DNM3: variants seen among roughly 807,000 people sequenced by gnomAD.
DNM3 encodes dynamin 3, also known as dynamin-3.
Under a neutral mutation model 101.6 loss-of-function variants are expected in DNM3, and 47 were observed. That is an observed-to-expected ratio of 0.46 (90% CI 0.37 to 0.59). The LOEUF (loss-of-function observed/expected upper bound fraction) is 0.59. Ranked by LOEUF, DNM3 falls within the 20% of genes least tolerant of loss-of-function variation. The pLI is 0.00. For missense variants in DNM3, 849 were observed against 1,085.7 expected, an observed-to-expected ratio of 0.78 and a Z score of 3.06; for synonymous variants, 385 against 387.9, an observed-to-expected ratio of 0.99 and a Z score of 0.09.
rs570694834 is a variant in DNM3 at position 171,945,030 on chromosome 1, AT to A, written c.235+23218del. The stretch of plus-strand genomic sequence containing the variant: ...GGGAACACATCACCATGCCTGACTG[AT>A]TTTTTTTTAAAAATTATTATTTGTG... On this transcript the variant is annotated intron_variant, in intron 2 of 20. Coordinates refer to ENST00000627582, the MANE Select transcript of DNM3 (RefSeq NM_015569.5). 1.2e-3 allele frequency among the ~76,000 whole-genome samples: 173 copies of A among 149,892 alleles called. 1 individual carries two copies. The highest frequency in any genetic ancestry group is 3.7e-3 in the African/African-American group (153 of 40,872).
rs1421943705 is a variant in DNM3, at chr1:172,354,886, C to A, written c.1894-24132C>A. On this transcript the variant is annotated intron_variant, in intron 17 of 20. Transcript: ENST00000627582. ...TTGGAACCAAGACCCCTACAGTAAG[C>A]CAGGACACTTAAAAAGCTACACCTT... 2.6e-5 allele frequency among the ~76,000 whole-genome samples: 4 copies of A among 152,144 alleles called. No homozygotes were observed. The South Asian group carries it at 6.2e-4, about 24-fold the overall frequency.
chr1:171,931,721 C>T (rs1404872911), intron 2 of DNM3, among the ~76,000 whole-genome samples: 1 of 152,054 alleles, frequency 6.6e-6, no homozygotes, highest in Admixed American at 6.5e-5. Context: ...TTTTATTGTA[C>T]CAATTCCACA....
In DNM3 at chr1:172,241,926, A is replaced by G. The variant is rs533951078; in HGVS notation, c.1660-11647A>G. Reference sequence around the variant, plus strand: ...AGAGGATTTTGAATTGCACTCAAACATTACAGGGCATTGGAAGAAGTGTTG... The same window carrying G: ...AGAGGATTTTGAATTGCACTCAAACGTTACAGGGCATTGGAAGAAGTGTTG... On this transcript the variant is annotated intron_variant, in intron 14 of 20. Coordinates refer to ENST00000627582, the MANE Select transcript of DNM3 (RefSeq NM_015569.5). Among the ~76,000 whole-genome samples the G allele has an allele frequency of 2.6e-5, 4 of 152,318 alleles. No individual in the cohort carries two copies. The South Asian group carries it at 6.2e-4, about 24-fold the overall frequency.
intron 14 of DNM3, among the ~76,000 whole-genome samples, chr1:172,221,688 C>T (rs1438849507): frequency 6.6e-6 from 1 of 152,040 alleles, no homozygotes; most frequent in African/African-American, 2.4e-5. Context: ...GTGGTCATCT[C>T]GTGAGGACTT....
chr1:172,200,827 G>A (rs976301445), intron 14 of DNM3, among the ~76,000 whole-genome samples: 1 of 151,932 alleles, frequency 6.6e-6, no homozygotes, highest in African/African-American at 2.4e-5. Context: ...TTCTTGGATC[G>A]GGTTTTGTCA....
intron 10 of DNM3, among the ~76,000 whole-genome samples, chr1:172,049,901 AT>A (rs2050087435): frequency 6.6e-6 from 1 of 152,172 alleles, no homozygotes; most frequent in Non-Finnish European, 1.5e-5. Flanking sequence ...AATGGGCTGA[AT>A]TCCTAGATGT....
At chr1:172,008,939 A>T (rs1268464226) in intron 4 of DNM3, among the ~76,000 whole-genome samples, 5 of 138,416 alleles carry the variant, frequency 3.6e-5, no homozygotes, top group Admixed American at 7.7e-5. Context: ...TTAAATATTA[A>T]TAAATATATT....
intron 10 of DNM3, among the ~76,000 whole-genome samples, chr1:172,061,573 T>G (rs2051210663): frequency 6.6e-6 from 1 of 151,608 alleles, no homozygotes; most frequent in African/African-American, 2.4e-5. Flanking sequence ...TTGGAAATCA[T>G]CATTCTCAGT....
intron 2 of DNM3, among the ~76,000 whole-genome samples, chr1:171,938,375 G>A (rs974642774): frequency 1.3e-5 from 2 of 152,000 alleles, no homozygotes; most frequent in East Asian, 3.8e-4. Flanking sequence ...CTTGTCCCTC[G>A]GAGCTTGGCA....
At position 171,853,419 on chromosome 1, in the gene DNM3, G is replaced by T. The variant is rs149413878; in HGVS notation, c.161+11602G>T. The stretch of plus-strand genomic sequence containing the variant: ...TGGGCTCAAGTATTTCTCCTGCCTT[G>T]GCCTCCCAAAGTGGTGGCATTACAG... On this transcript the variant is annotated intron_variant, in intron 1 of 20. Coordinates refer to ENST00000627582, the MANE Select transcript of DNM3 (RefSeq NM_015569.5). 1.1e-3 allele frequency among the ~76,000 whole-genome samples: 166 copies of T among 152,120 alleles called. 1 individual carries two copies. In the East Asian group the frequency reaches 0.031, roughly 28 times the overall value.
intron 9 of DNM3, among the ~76,000 whole-genome samples, chr1:172,048,052 A>G (rs1275477621): frequency 6.6e-6 from 1 of 152,168 alleles, no homozygotes. Flanking sequence ...TTATTATAAC[A>G]CCAGTTTGAA....
intron 2 of DNM3, among the ~76,000 whole-genome samples, chr1:171,981,747 A>G (rs1295793687): frequency 6.6e-6 from 1 of 152,236 alleles, no homozygotes; most frequent in Non-Finnish European, 1.5e-5. Flanking sequence ...TATTTTTAAC[A>G]TTGTAAAAAC....
At chr1:172,196,587 A>G (rs547045514) in intron 14 of DNM3, among the ~76,000 whole-genome samples, 6 of 152,058 alleles carry the variant, frequency 3.9e-5, no homozygotes, top group South Asian at 2.1e-4. Context: ...TGACTTTTTA[A>G]TAATAGCCAT....
intron 1 of DNM3, among the ~76,000 whole-genome samples, chr1:171,887,092 C>A (rs955098208): frequency 1.3e-5 from 2 of 152,092 alleles, no homozygotes; most frequent in Admixed American, 1.3e-4. Context: ...ACTCAATTAC[C>A]TGTGGGCTGT....
intron 14 of DNM3, among the ~76,000 whole-genome samples, chr1:172,131,536 G>C (rs201270238): frequency 6.6e-6 from 1 of 152,084 alleles, no homozygotes; most frequent in East Asian, 1.9e-4. Context: ...CTGAAGAAAT[G>C]GAGGTAGGCA....
intron 20 of DNM3, among the ~76,000 whole-genome samples, chr1:172,402,018 A>C (rs1281007138): frequency 1.3e-5 from 2 of 152,148 alleles, no homozygotes; most frequent in Non-Finnish European, 2.9e-5. Flanking sequence ...AACCCGATTT[A>C]TCTTTGGGCC....
chr1:172,388,483 T>C, intron 19 of DNM3, 90 bp from the exon 20 acceptor site: 1 of 1,151,670 alleles, frequency 8.7e-7, no homozygotes, highest in Non-Finnish European at 1.2e-6. Context: ...AAAAATAATT[T>C]TTAAAAAGCA....
At chr1:171,937,283 T>C (rs1017332897) in intron 2 of DNM3, among the ~76,000 whole-genome samples, 2 of 152,204 alleles carry the variant, frequency 1.3e-5, no homozygotes. Flanking sequence ...TTTATGTTTT[T>C]TTTTTTCCAT....
intron 15 of DNM3, among the ~76,000 whole-genome samples, chr1:172,268,005 C>G (rs1335057845): frequency 6.6e-6 from 1 of 152,158 alleles, no homozygotes; most frequent in Non-Finnish European, 1.5e-5. Flanking sequence ...AGCCACGGCA[C>G]CTGGCCAGGT....
Sources: gnomAD v4.1 joint callset for allele counts (sites outside exome capture counted in the v4.1 genomes callset) on GRCh38, gnomAD v4.1.1 for gene constraint, MANE v1.5 for transcripts, NCBI Gene and HGNC (gene_info 2026-07-23, HGNC 2026-07-21) for gene names.